The following OSBPL3 variants were observed in gnomAD, a reference collection of about 807,000 sequenced individuals.
OSBPL3 encodes oxysterol-binding protein-related protein 3.
Under a neutral mutation model 120.1 loss-of-function variants are expected in OSBPL3, and 65 were observed. The ratio of observed to expected loss-of-function variants is 0.54; its 90% CI spans 0.44 to 0.67. The LOEUF (loss-of-function observed/expected upper bound fraction) is 0.67. OSBPL3 is among the 30% of genes least tolerant of loss of function. OSBPL3 has a pLI of 0.00. For synonymous variants in OSBPL3, 416 were observed against 402.6 expected, an observed-to-expected ratio of 1.03 and a Z score of -0.40; for missense variants, 1,004 against 1,082.1, an observed-to-expected ratio of 0.93 and a Z score of 1.01.
chr7:24,841,516 C>A (rs1415586596), intron 13 of OSBPL3, among the ~76,000 whole-genome samples: 1 of 150,754 alleles, frequency 6.6e-6, no homozygotes, highest in South Asian at 2.1e-4. Context: ...GGCCAACATG[C>A]GGAAGCCCAT....
At chr7:24,864,953 G>T (rs537290932) in intron 7 of OSBPL3, among the ~76,000 whole-genome samples, 1 of 152,300 alleles carries the variant, frequency 6.6e-6, no homozygotes, top group Admixed American at 6.5e-5. Context: ...CTAATGTGCA[G>T]TCAGGGTACA....
chr7:24,919,539 G>A (rs1239951208), intron 1 of OSBPL3, among the ~76,000 whole-genome samples: 1 of 152,012 alleles, frequency 6.6e-6, no homozygotes, highest in African/African-American at 2.4e-5. Context: ...ATAAATGTAA[G>A]AGCTAAATCT....
intron 13 of OSBPL3, among the ~76,000 whole-genome samples, chr7:24,841,088 A>G (rs1452123082): frequency 2.0e-5 from 3 of 152,136 alleles, no homozygotes; most frequent in Non-Finnish European, 4.4e-5. Flanking sequence ...GTGTTTGAGT[A>G]GAAGAAGTTA....
rs748152770 is a variant in OSBPL3 at position 24,947,464 on chromosome 7, C to T, written c.-150+32422G>A. Among the ~76,000 whole-genome samples the T allele has an allele frequency of 8.5e-5, 13 of 152,282 alleles. No individual in the cohort carries two copies. Among genetic ancestry groups the T allele is most frequent in the Non-Finnish European group, 1.5e-4 (10 of 68,018 alleles). ...ATCACTCCTGACTGCTGCTTTTGCT[C>T]CCCACGTGACTACCCCTGAAAGCTG... On this transcript the variant is annotated intron_variant, in intron 1 of 22. Transcript: ENST00000313367. This position sits in a 1 kb window ranked among gnomAD's most constrained non-coding sequence, Gnocchi z 4.4.
In OSBPL3 at chr7:24,968,553, C is replaced by T. The variant is rs774060242; in HGVS notation, c.-150+11333G>A. On this transcript the variant is annotated intron_variant, in intron 1 of 22. Coordinates refer to ENST00000313367, the MANE Select transcript of OSBPL3 (RefSeq NM_015550.4). This position sits in a 1 kb window ranked among gnomAD's most constrained non-coding sequence, Gnocchi z 4.6. ...CCGGGATTACAGGCACACACCACCA[C>T]GCCCAGCTAATTTTTTTATTTTTAG... Among the ~76,000 whole-genome samples, 15 of 152,176 alleles carry T rather than the reference C, an allele frequency of 9.9e-5. No homozygotes were observed. Among genetic ancestry groups the T allele is most frequent in the Non-Finnish European group, 1.5e-4 (10 of 68,044 alleles).
chr7:24,908,822 A>C (rs949134161), intron 1 of OSBPL3, among the ~76,000 whole-genome samples: 1 of 152,160 alleles, frequency 6.6e-6, no homozygotes, highest in African/African-American at 2.4e-5. Flanking sequence ...ATCAAGTTTT[A>C]ACGTTTTTTC....
rs1387542885 is a variant in OSBPL3, at chr7:24,946,006, C to T, written c.-150+33880G>A. On this transcript the variant is annotated intron_variant, in intron 1 of 22. Coordinates refer to ENST00000313367, the MANE Select transcript of OSBPL3 (RefSeq NM_015550.4). The surrounding 1 kb of genome is among the most constrained non-coding windows in gnomAD (Gnocchi z 4.3). ...GCTGGGCAGCTCTGGCTCAGGGTCT[C>T]TCATTTGATGGCAATCAGATGCCAG... Among the ~76,000 whole-genome samples the T allele has an allele frequency of 6.6e-6, 1 of 152,156 alleles. No individual in the cohort carries two copies. The highest frequency in any genetic ancestry group is 1.5e-5 in the Non-Finnish European group (1 of 68,032).
rs111821161 is a variant in OSBPL3, at chr7:24,922,719, C to T, written c.-149-30098G>A. 0.012 allele frequency among the ~76,000 whole-genome samples: 1,756 copies of T among 152,242 alleles called. 35 individuals carry two copies. Among genetic ancestry groups the T allele is most frequent in the African/African-American group, 0.04 (1,650 of 41,518 alleles). On this transcript the variant is annotated intron_variant, in intron 1 of 22. Transcript: ENST00000313367. This position sits in a 1 kb window ranked among gnomAD's most constrained non-coding sequence, Gnocchi z 4.3. The stretch of plus-strand genomic sequence containing the variant: ...CCTGACCACCTGCTTCACAGCCTTG[C>T]TATGAACTCTGTTCTTTGCACGTAA...
chr7:24,961,583 G>C (rs753025755), intron 1 of OSBPL3, among the ~76,000 whole-genome samples: 76 of 152,158 alleles, frequency 5.0e-4, no homozygotes, highest in Non-Finnish European at 2.1e-4. Context: ...AGAGGACACA[G>C]CTAGAAGGTG....
chr7:24,910,070 T>A (rs1264741464), intron 1 of OSBPL3, among the ~76,000 whole-genome samples: 1 of 152,134 alleles, frequency 6.6e-6, no homozygotes, highest in Admixed American at 6.5e-5. Flanking sequence ...CCTCCCAAAG[T>A]GCTGAGATTA....
At chr7:24,975,410 T>C (rs756458856) in intron 1 of OSBPL3, among the ~76,000 whole-genome samples, 2 of 152,364 alleles carry the variant, frequency 1.3e-5, no homozygotes, top group Non-Finnish European at 2.9e-5. Context: ...CGTTGTTTCA[T>C]CATAAAATGA....
rs1443136673 is a variant in OSBPL3, at chr7:24,821,737, G to A, written c.1885-1499C>T. Reference sequence around the variant, plus strand: ...AGGAGACTCAAATCTGCTGCTCTTTGGTTTGTCTTAGTTCCCATGTGCCTC... The same window carrying A: ...AGGAGACTCAAATCTGCTGCTCTTTAGTTTGTCTTAGTTCCCATGTGCCTC... On this transcript the variant is annotated intron_variant, in intron 16 of 22. Transcript: ENST00000313367. The surrounding 1 kb of genome is among the most constrained non-coding windows in gnomAD (Gnocchi z 5.5). Among the ~76,000 whole-genome samples, 1 of 152,218 alleles carries A rather than the reference G, an allele frequency of 6.6e-6. No homozygotes were observed. The highest frequency in any genetic ancestry group is 2.4e-5 in the African/African-American group (1 of 41,448).
At chr7:24,875,085 CCCCAAAGACTT>C (rs1278718557) in intron 2 of OSBPL3, among the ~76,000 whole-genome samples, 1 of 152,248 alleles carries the variant, frequency 6.6e-6, no homozygotes, top group East Asian at 1.9e-4. Context: ...CCGTCCCACA[CCCCAAAGACTT>C]CCCAAAGTGC....
At position 24,913,359 on chromosome 7, in the gene OSBPL3, G is replaced by T. The variant is rs133; in HGVS notation, c.-149-20738C>A. ...AACATGGGGTGAAAAAGTCTCCTAGGTAAGTCAGCAGCAACACTCTCTTCT... is the reference window on the plus strand; with the variant it reads ...AACATGGGGTGAAAAAGTCTCCTAGTTAAGTCAGCAGCAACACTCTCTTCT... On this transcript the variant is annotated intron_variant, in intron 1 of 22. Transcript: ENST00000313367. The surrounding 1 kb of genome is among the most constrained non-coding windows in gnomAD (Gnocchi z 5.3). 0.26 allele frequency among the ~76,000 whole-genome samples: 40,246 copies of T among 151,894 alleles called. 5,527 individuals carry two copies. Among genetic ancestry groups the T allele is most frequent in the South Asian group, 0.37 (1,755 of 4,796 alleles).
rs1427452826 is a variant in OSBPL3, at chr7:24,952,755, G to A, written c.-150+27131C>T. ...CCTACCAATATGCAAACCATCAGCT[G>A]AATCTATAAACAAGAGTACCATCAA... On this transcript the variant is annotated intron_variant, in intron 1 of 22. Transcript: ENST00000313367. This position sits in a 1 kb window ranked among gnomAD's most constrained non-coding sequence, Gnocchi z 4.4. 1.3e-5 allele frequency among the ~76,000 whole-genome samples: 2 copies of A among 152,130 alleles called. No homozygotes were observed. Among genetic ancestry groups the A allele is most frequent in the Non-Finnish European group, 2.9e-5 (2 of 68,032 alleles).
At chr7:24,904,084 T>C (rs1176074305) in intron 1 of OSBPL3, among the ~76,000 whole-genome samples, 1 of 152,088 alleles carries the variant, frequency 6.6e-6, no homozygotes, top group African/African-American at 2.4e-5. Flanking sequence ...GGTTTCACCA[T>C]GTTGGCCAGG....
At chr7:24,887,772 C>T (rs1302989356) in intron 2 of OSBPL3, among the ~76,000 whole-genome samples, 1 of 152,198 alleles carries the variant, frequency 6.6e-6, no homozygotes, top group Admixed American at 6.5e-5. Context: ...CAATCTTTCC[C>T]CTGAATGCAG....
intron 20 of OSBPL3, among the ~76,000 whole-genome samples, chr7:24,809,604 C>T (rs1435214245): frequency 6.6e-6 from 1 of 152,092 alleles, no homozygotes; most frequent in African/African-American, 2.4e-5. Context: ...GACCCAGCAG[C>T]CCAGCAGAGG....
Position 24,930,269 on chromosome 7 carries a change from A to T in OSBPL3, c.-149-37648T>A, listed in dbSNP as rs1006470799. Among the ~76,000 whole-genome samples, 2 of 141,208 alleles carry T rather than the reference A, an allele frequency of 1.4e-5. No homozygotes were observed. Among genetic ancestry groups the T allele is most frequent in the Non-Finnish European group, 1.7e-5 (1 of 60,502 alleles). The allele number at this position is 141,208 out of a possible 152,430, so 92.6% of individuals were successfully genotyped here. On this transcript the variant is annotated intron_variant, in intron 1 of 22. Coordinates refer to ENST00000313367, the MANE Select transcript of OSBPL3 (RefSeq NM_015550.4). The surrounding 1 kb of genome is among the most constrained non-coding windows in gnomAD (Gnocchi z 4.4). ...GTTCCAAGGAAATATGCACTAAAATAAAAAAAATGTGCAAATAAAACATCT... is the reference window on the plus strand; with the variant it reads ...GTTCCAAGGAAATATGCACTAAAATTAAAAAAATGTGCAAATAAAACATCT...
Sources: gnomAD v4.1 joint callset for allele counts (sites outside exome capture counted in the v4.1 genomes callset) on GRCh38, gnomAD v4.1.1 for gene constraint, Gnocchi (gnomAD v3.1) non-coding constraint, MANE v1.5 for transcripts, NCBI Gene and HGNC (gene_info 2026-07-23, HGNC 2026-07-21) for gene names.